Variants in GPAM observed in about 807,000 individuals in gnomAD.
The protein encoded by GPAM is glycerol-3-phosphate acyltransferase, mitochondrial.
Under a neutral mutation model 105.0 loss-of-function variants are expected in GPAM, and 56 were observed. The observed-to-expected ratio is 0.53, with a 90% CI of 0.43 to 0.67. The LOEUF is 0.67. GPAM is among the 30% of genes least tolerant of loss of function. GPAM has a pLI of 0.00. For missense variants in GPAM, 855 were observed against 989.8 expected (o/e 0.86, Z 1.83); for synonymous variants, 368 against 354.4 (o/e 1.04, Z -0.43).
At chr10:112,201,787 A>C (rs1429151988) in intron 1 of GPAM, among the ~76,000 whole-genome samples, 2 of 152,146 alleles carry the variant, frequency 1.3e-5, no homozygotes, top group African/African-American at 4.8e-5. Context: ...TGTGAGCTCC[A>C]TAAGAGCAGG....
chr10:112,171,481 G>A (rs73353052), intron 9 of GPAM, among the ~76,000 whole-genome samples: 2,784 of 152,168 alleles, frequency 0.018, 90 homozygotes, highest in African/African-American at 0.063. Context: ...CTCAAGTACA[G>A]GACAGACTCT....
chr10:112,198,584 A>G (rs1469709530), intron 1 of GPAM, among the ~76,000 whole-genome samples: 4 of 152,218 alleles, frequency 2.6e-5, no homozygotes, highest in Non-Finnish European at 5.9e-5. Flanking sequence ...CAGTGTTTGC[A>G]GTACAGCTAT....
chr10:112,155,851 T>A lies in GPAM; in HGVS notation c.2311+13A>T, dbSNP rs1383904165. ...AAAAAGATTTTAAAAGAATAAATAGTGACTTAACATACCATATACTGCAAC... is the reference window on the plus strand; with the variant it reads ...AAAAAGATTTTAAAAGAATAAATAGAGACTTAACATACCATATACTGCAAC... On this transcript the variant is annotated intron_variant, in intron 20 of 21. Transcript: ENST00000348367. 1 of 1,480,220 alleles carries A rather than the reference T, an allele frequency of 6.8e-7. No individual in the cohort carries two copies. The highest frequency in any genetic ancestry group is 1.4e-5 in the African/African-American group (1 of 71,942). 91.7% of individuals were successfully genotyped at this position (1,480,220 alleles called of 1,614,324 possible). A position where few individuals can be genotyped will look rare whatever the true frequency, so the allele number is the denominator to read the frequency against.
intron 11 of GPAM, among the ~76,000 whole-genome samples, chr10:112,167,835 T>C (rs1847245384): frequency 6.6e-6 from 1 of 152,236 alleles, no homozygotes; most frequent in Non-Finnish European, 1.5e-5. Context: ...TATATACTCT[T>C]TTGTAACTAT....
chr10:112,166,441 AC>A lies in GPAM; in HGVS notation c.1181del (p.Gly394ValfsTer13). The A allele has an allele frequency of 6.2e-7, 1 of 1,609,898 alleles. No individual in the cohort carries two copies. The highest frequency in any genetic ancestry group is 1.7e-4 in the Middle Eastern group (1 of 6,056). On this transcript the variant is annotated frameshift_variant, in exon 12 of 22. Coordinates refer to ENST00000348367, the MANE Select transcript of GPAM (RefSeq NM_001244949.2). LOFTEE classifies it high-confidence loss of function. ...GVIRMLRKNYGCVRVDFAQPF... is the reference protein window; with the variant it reads ...GVIRMLRKNYXCVRVDFAQPF... ...GCTGTGCAAAATCCACTCGGACACA[AC>A]CATAGTTTTTTCGTAACATTCTAAT...
At chr10:112,214,574 G>T (rs1424811995) in intron 1 of GPAM, among the ~76,000 whole-genome samples, 1 of 152,154 alleles carries the variant, frequency 6.6e-6, no homozygotes, top group Non-Finnish European at 1.5e-5. Flanking sequence ...AAACAACCCT[G>T]AGTAGGGAAT....
the GPAM span, among the ~76,000 whole-genome samples, chr10:112,223,937 G>A: frequency 6.6e-6 from 1 of 152,132 alleles, no homozygotes; most frequent in African/African-American, 2.4e-5. Flanking sequence ...GGCATCACAG[G>A]GTTTTAGGTA....
chr10:112,155,679 C>A, intron 20 of GPAM, 185 bp downstream of exon 20: 2 of 513,790 alleles, frequency 3.9e-6, no homozygotes, highest in South Asian at 2.5e-5. Flanking sequence ...TGAAAAAAGC[C>A]AGATGTAAGA....
intron 16 of GPAM, 106 bp from the exon 17 acceptor site, chr10:112,160,159 G>T: frequency 8.8e-7 from 1 of 1,130,850 alleles, no homozygotes; most frequent in Non-Finnish European, 1.3e-6. Context: ...AAAAATAATG[G>T]CCTGTATTTG....
Position 112,173,065 on chromosome 10 carries a change from G to A in GPAM, c.562C>T (p.Leu188=). The change falls in exon 8 of 22, where the codon CTG becomes TTG. Residue 188 remains leucine (L), a splice_region_variant and synonymous_variant. Coordinates refer to ENST00000348367, the MANE Select transcript of GPAM (RefSeq NM_001244949.2). ...AGTTTTAGCAGCACCCACCCAGTCA[G>A]TCTGAAACAAAGTACAAACAAAAAA... ...VATVSPAMIR[L]TGWVLLKLFN... is the part of the protein sequence containing the mutation. The A allele has an allele frequency of 1.9e-6, 3 of 1,570,782 alleles. No homozygotes were observed. The highest frequency in any genetic ancestry group is 3.3e-5 in the Admixed American group (2 of 59,936).
chr10:112,203,791 T>A (rs1030877430), intron 1 of GPAM, among the ~76,000 whole-genome samples: 2 of 152,200 alleles, frequency 1.3e-5, no homozygotes, highest in African/African-American at 2.4e-5. Flanking sequence ...TCAGATATGA[T>A]GCTGCGGTTC....
chr10:112,160,462 C>G (rs1847101873), intron 16 of GPAM, 142 bp downstream of exon 16: 5 of 1,218,150 alleles, frequency 4.1e-6, no homozygotes, highest in Non-Finnish European at 5.7e-6. Flanking sequence ...CAGGAGATTA[C>G]ATTTTCGTTT....
rs759289084 is a variant in GPAM, at chr10:112,175,697, C to A, written c.316G>T (p.Ala106Ser). ...AAAAGAACGTAAGAAAGGCGTCTTGCAAGCCATCCGCGGTGTCTGTGAAAA... is the reference window on the plus strand; with the variant it reads ...AAAAGAACGTAAGAAAGGCGTCTTGAAAGCCATCCGCGGTGTCTGTGAAAA... ...ETHTRHRGWL[A>S]RRLSYVLFIQ... Residue 106 changes from alanine (A) to serine (S), a missense_variant, in exon 6 of 22, where the codon GCA (alanine) becomes TCA (serine). Physicochemically the swap from Ala to Ser is moderately conservative, Grantham distance 99. Coordinates refer to ENST00000348367, the MANE Select transcript of GPAM (RefSeq NM_001244949.2). 1 of 1,610,628 alleles carries A rather than the reference C, an allele frequency of 6.2e-7. No homozygotes were observed. Among genetic ancestry groups the A allele is most frequent in the Non-Finnish European group, 8.5e-7 (1 of 1,176,862 alleles).
chr10:112,217,735 C>T (rs2133313614), upstream of GPAM, among the ~76,000 whole-genome samples: 1 of 152,218 alleles, frequency 6.6e-6, no homozygotes, highest in South Asian at 2.1e-4. Flanking sequence ...TTTTTATTGC[C>T]CTTTCAAAGA....
rs66664923 is a variant in GPAM at position 112,200,227 on chromosome 10, G to GTATATA, written n.210+14935_210+14940dup. On this transcript the variant is annotated intron_variant and non_coding_transcript_variant, in intron 1 of 3. Coordinates refer to the GPAM transcript ENST00000480130. ...ATATATATTTCAGTCCACACTATAT[G>GTATATA]TATATATATATATATATAGAGAGAG... Among the ~76,000 whole-genome samples, 199 of 84,968 alleles carry GTATATA rather than the reference G, an allele frequency of 2.3e-3. 2 individuals are homozygous for GTATATA. Among genetic ancestry groups the GTATATA allele is most frequent in the African/African-American group, 7.5e-3 (194 of 25,982 alleles). The allele number at this position is 84,968 out of a possible 152,430, so 55.7% of individuals were successfully genotyped here.
chr10:112,225,214 CCA>C, the GPAM span, among the ~76,000 whole-genome samples: 1 of 152,292 alleles, frequency 6.6e-6, no homozygotes, highest in East Asian at 1.9e-4. Context: ...GATTCCCTCA[CCA>C]CACACACAAG....
At chr10:112,223,828 T>G in the GPAM span, among the ~76,000 whole-genome samples, 1 of 152,166 alleles carries the variant, frequency 6.6e-6, no homozygotes, top group African/African-American at 2.4e-5. Context: ...AAAATTCTAT[T>G]CAAATAAAAA....
intron 4 of GPAM, among the ~76,000 whole-genome samples, chr10:112,178,310 G>T (rs905315665): frequency 1.3e-5 from 2 of 152,116 alleles, no homozygotes; most frequent in African/African-American, 4.8e-5. Context: ...AGCACTTTGG[G>T]AGGCCGAAGC....
rs1846897700 is a variant in GPAM, at chr10:112,150,571, T to C, written c.*2979A>G. On this transcript the variant is annotated 3_prime_UTR_variant, in exon 22 of 22. Transcript: ENST00000348367. ...TGTCTCCTTAAAGAACTATCTAACATAGTGTTTCCCAAAATGTTCTCCACA... is the reference window on the plus strand; with the variant it reads ...TGTCTCCTTAAAGAACTATCTAACACAGTGTTTCCCAAAATGTTCTCCACA... The C allele has an allele frequency of 2.0e-6, 2 of 983,406 alleles. No homozygotes were observed. Among genetic ancestry groups the C allele is most frequent in the Non-Finnish European group, 1.2e-6 (1 of 827,816 alleles). The allele number at this position is 983,406 out of a possible 1,614,324, so 60.9% of individuals were successfully genotyped here. A position where few individuals can be genotyped will look rare whatever the true frequency, so the allele number is the denominator to read the frequency against.
Sources: allele counts gnomAD v4.1 joint callset (sites outside exome capture counted in the v4.1 genomes callset), GRCh38; gene constraint gnomAD v4.1.1; transcripts MANE v1.5; gene names NCBI Gene and HGNC (gene_info 2026-07-23, HGNC 2026-07-21).